The following INCA1 variants were observed in gnomAD, a reference collection of about 807,000 sequenced individuals.
INCA1 encodes protein INCA1.
In INCA1, 28 loss-of-function variants were observed where a neutral mutation model predicts 25.7. That is an observed-to-expected ratio of 1.09 (90% CI 0.81 to 1.49). INCA1 has a LOEUF of 1.49. Among genes scored for constraint, INCA1 ranks in the 40% most tolerant of loss-of-function variants. The probability of loss-of-function intolerance (pLI) is 0.00; values close to 1 mark genes in which losing one functional copy is unlikely to be tolerated. For missense variants in INCA1, 309 were observed against 290.9 expected (o/e 1.06, Z -0.45); for synonymous variants, 111 against 103.6 (o/e 1.07, Z -0.43).
At chr17:4,992,871 A>G (rs1057346944) in intron 2 of INCA1, among the ~76,000 whole-genome samples, 4 of 151,066 alleles carry the variant, frequency 2.6e-5, no homozygotes, top group Non-Finnish European at 4.4e-5. Context: ...CACCACACTT[A>G]GCATAGTGTT....
downstream of INCA1, chr17:4,988,174 C>G (rs1466393671): frequency 2.2e-6 from 1 of 454,564 alleles, no homozygotes; most frequent in African/African-American, 2.0e-5. Flanking sequence ...GAATACAAGG[C>G]CAGGAGCGGG....
chr17:4,990,086 G>A, intron 3 of INCA1, 66 bp downstream of exon 3: 1 of 1,610,650 alleles, frequency 6.2e-7, no homozygotes, highest in South Asian at 1.1e-5. Context: ...ATTGCTATAT[G>A]GGTTTATGGT....
Position 4,988,763 on chromosome 17 carries a change from T to A in INCA1, c.561+16A>T. 6.2e-7 allele frequency: 1 copy of A among 1,614,036 alleles called. No individual in the cohort carries two copies. On this transcript the variant is annotated intron_variant, in intron 6 of 6. Coordinates refer to ENST00000576820, the Ensembl canonical transcript of INCA1. ...ACATCACTCCCTCACTCCACCCAGT[T>A]CCACTCCAACAATACCTGGGCCCTG... is the stretch of plus-strand genomic sequence containing the variant.
chr17:4,988,279 G>C, exon 7 of INCA1: 1 of 1,088,848 alleles, frequency 9.2e-7, no homozygotes, highest in Non-Finnish European at 1.3e-6. Context: ...CAGAGGATGG[G>C]AAAGGCAGTT....
At chr17:4,989,598 A>G in exon 5 of INCA1, 1 of 1,613,988 alleles carries the variant, frequency 6.2e-7, no homozygotes, top group South Asian at 1.1e-5. Context: ...GAGGATACAG[A>G]CCAAGCTGGG....
At chr17:4,992,872 G>A (rs1052083575) in intron 2 of INCA1, among the ~76,000 whole-genome samples, 4 of 151,766 alleles carry the variant, frequency 2.6e-5, no homozygotes, top group Non-Finnish European at 5.9e-5. Flanking sequence ...ACCACACTTA[G>A]CATAGTGTTT....
chr17:4,995,590 T>C (rs1018830515), intron 1 of INCA1, among the ~76,000 whole-genome samples: 8 of 151,010 alleles, frequency 5.3e-5, no homozygotes, highest in African/African-American at 2.0e-4. Context: ...AGCTCAGGAG[T>C]TGGAGACCAG....
chr17:4,989,455 A>G, exon 5 of INCA1: 2 of 1,613,934 alleles, frequency 1.2e-6, no homozygotes, highest in East Asian at 2.2e-5. Flanking sequence ...ACGCCTTCTT[A>G]GGTCCTCCAG....
At chr17:4,989,378 G>A (rs1973661668) in intron 5 of INCA1, 50 bp downstream of exon 5, 3 of 1,544,112 alleles carry the variant, frequency 1.9e-6, no homozygotes, top group East Asian at 2.3e-5. Flanking sequence ...AAACTGTTCT[G>A]CCCCCAAATC....
Position 4,993,477 on chromosome 17 carries a change from C to CT in INCA1, c.44+916dup, listed in dbSNP as rs918941195. ...TATGGCATGAGCCATTGGGCCCGGC[C>CT]TTTTTTTTTGAGACGGAGTCTCGCT... On this transcript the variant is annotated intron_variant, in intron 2 of 6. Transcript: ENST00000576820. Among the ~76,000 whole-genome samples, 46 of 150,858 alleles carry CT rather than the reference C, an allele frequency of 3.0e-4. No individual in the cohort carries two copies. The South Asian group carries it at 3.6e-3, about 12-fold the overall frequency.
chr17:4,988,725 A>T, intron 6 of INCA1, 54 bp downstream of exon 6: 1 of 1,601,862 alleles, frequency 6.2e-7, no homozygotes, highest in Non-Finnish European at 8.5e-7. Flanking sequence ...TCTCCATGCA[A>T]GACCAGAGAC....
chr17:4,995,946 A>G (rs1974214562), intron 1 of INCA1: 2 of 152,194 alleles, frequency 1.3e-5, no homozygotes, highest in South Asian at 4.1e-4. Context: ...AAAATAAAAA[A>G]AGAAATTAAA....
At chr17:4,988,636 C>G in intron 6 of INCA1, 82 bp from the exon 7 acceptor site, 1 of 1,569,804 alleles carries the variant, frequency 6.4e-7, no homozygotes, top group South Asian at 1.1e-5. Flanking sequence ...GCTTAGGTAC[C>G]TCGAAGTCTC....
chr17:4,997,160 G>A (rs1363836502), upstream of INCA1: 1 of 152,596 alleles, frequency 6.6e-6, no homozygotes, highest in Non-Finnish European at 1.5e-5. Context: ...GGGAAGCGCC[G>A]GGCCGGAGGG....
upstream of INCA1, among the ~76,000 whole-genome samples, chr17:4,997,288 C>T (rs963568737): frequency 3.9e-5 from 6 of 152,284 alleles, no homozygotes; most frequent in Admixed American, 2.0e-4. Context: ...CGAGAGGGGC[C>T]CTGAGGTGGT....
intron 2 of INCA1, among the ~76,000 whole-genome samples, chr17:4,992,560 A>G (rs1398673399): frequency 3.3e-5 from 5 of 151,820 alleles, no homozygotes; most frequent in African/African-American, 1.2e-4. Flanking sequence ...CTGTAATTAC[A>G]GGTGTGAGCC....
chr17:4,995,752 A>C (rs1245876048), intron 1 of INCA1: 2 of 151,980 alleles, frequency 1.3e-5, no homozygotes, highest in Non-Finnish European at 2.9e-5. Context: ...CAACATGGAG[A>C]AACCCTGTCT....
chr17:4,993,767 C>CTTTTT lies in INCA1; in HGVS notation c.44+622_44+626dup, dbSNP rs934109564. Among the ~76,000 whole-genome samples the CTTTTT allele has an allele frequency of 5.1e-5, 5 of 97,316 alleles. 1 individual carries two copies. The highest frequency in any genetic ancestry group is 4.4e-5 in the African/African-American group (1 of 22,518). 63.8% of individuals were successfully genotyped at this position (97,316 alleles called of 152,430 possible). Reference sequence around the variant, plus strand: ...ACAGGTGTGAGCCACCGTGCCTGGCCTTTTTTTTTTTTTTTTTTTTTTGAG... The same window carrying CTTTTT: ...ACAGGTGTGAGCCACCGTGCCTGGCCTTTTTTTTTTTTTTTTTTTTTTTTTTTGAG... On this transcript the variant is annotated intron_variant, in intron 2 of 6. Transcript: ENST00000576820.
intron 1 of INCA1, among the ~76,000 whole-genome samples, chr17:4,994,900 G>A (rs1974131310): frequency 6.6e-6 from 1 of 151,724 alleles, no homozygotes; most frequent in Non-Finnish European, 1.5e-5. Context: ...TGAAAAAAGA[G>A]AGAGCTTAAA....
Sources: gnomAD v4.1 joint callset for allele counts (sites outside exome capture counted in the v4.1 genomes callset) on GRCh38, gnomAD v4.1.1 for gene constraint, MANE v1.5 for transcripts, NCBI Gene and HGNC (gene_info 2026-07-23, HGNC 2026-07-21) for gene names.